Variants in DLG1 observed in about 807,000 individuals in gnomAD.
DLG1 encodes disks large homolog 1.
Under a neutral mutation model 123.4 loss-of-function variants are expected in DLG1, and 42 were observed. The observed-to-expected ratio is 0.34, with a 90% CI of 0.27 to 0.44. The LOEUF (loss-of-function observed/expected upper bound fraction) is 0.44. Among genes scored for constraint, DLG1 ranks in the 20% least tolerant of loss-of-function variants. The pLI is 1.00. For synonymous variants in DLG1, 317 were observed against 356.2 expected, an observed-to-expected ratio of 0.89 and a Z score of 1.24; for missense variants, 942 against 1,082.6, an observed-to-expected ratio of 0.87 and a Z score of 1.82.
At chr3:197,188,728 T>C (rs1001724794) in intron 5 of DLG1, among the ~76,000 whole-genome samples, 5 of 152,194 alleles carry the variant, frequency 3.3e-5, no homozygotes, top group Admixed American at 2.0e-4. Context: ...ATATTAGCTT[T>C]TATTTTAAAA....
chr3:197,212,695 T>C (rs968625259), intron 4 of DLG1, among the ~76,000 whole-genome samples: 4 of 152,224 alleles, frequency 2.6e-5, no homozygotes, highest in African/African-American at 9.6e-5. Flanking sequence ...CCCAATAATC[T>C]CATTTTAATT....
chr3:197,270,657 A>G (rs1579084294), intron 4 of DLG1, among the ~76,000 whole-genome samples: 1 of 152,220 alleles, frequency 6.6e-6, no homozygotes, highest in East Asian at 1.9e-4. Context: ...GTGCCAAAGT[A>G]CAACCCCATA....
intron 4 of DLG1, among the ~76,000 whole-genome samples, chr3:197,213,341 A>G (rs1249615198): frequency 2.0e-5 from 3 of 152,200 alleles, no homozygotes; most frequent in African/African-American, 7.2e-5. Flanking sequence ...CCATTTATAT[A>G]AAATGTTTGA....
At chr3:197,156,448 A>C (rs1274626583) in intron 5 of DLG1, among the ~76,000 whole-genome samples, 3 of 116,012 alleles carry the variant, frequency 2.6e-5, no homozygotes, top group African/African-American at 7.7e-5. Flanking sequence ...TGACAAAAGT[A>C]AGTCTTTCCT....
intron 10 of DLG1, among the ~76,000 whole-genome samples, chr3:197,134,592 C>G (rs1250282072): frequency 6.6e-6 from 1 of 151,422 alleles, no homozygotes; most frequent in Non-Finnish European, 1.5e-5. Context: ...TTTTCAGATT[C>G]TGCTAGGCCT....
intron 4 of DLG1, among the ~76,000 whole-genome samples, chr3:197,258,008 G>A (rs1757601780): frequency 6.6e-6 from 1 of 152,006 alleles, no homozygotes. Context: ...GACATTATGT[G>A]GAAAAGCACA....
At chr3:197,258,768 T>G (rs945670062) in intron 4 of DLG1, among the ~76,000 whole-genome samples, 5 of 152,244 alleles carry the variant, frequency 3.3e-5, no homozygotes, top group Admixed American at 6.5e-5. Flanking sequence ...TTGCTCTTCC[T>G]GCTAGAGCCA....
intron 4 of DLG1, among the ~76,000 whole-genome samples, chr3:197,255,049 T>C (rs1159164747): frequency 1.3e-5 from 2 of 151,954 alleles, no homozygotes; most frequent in Admixed American, 6.6e-5. Context: ...AGAGCGAGAT[T>C]CTGTCTCAAA....
In DLG1 at chr3:197,083,887, T is replaced by C. The variant is rs189070276; in HGVS notation, c.1838+1693A>G. ...CCAGCTACTAGCTGAGGTGGGGGGA[T>C]AGCTTGAGCCCAGGAGTCTGAGGTT... On this transcript the variant is annotated intron_variant, in intron 16 of 24. Transcript: ENST00000667157. Among the ~76,000 whole-genome samples the C allele has an allele frequency of 2.0e-4, 30 of 152,252 alleles. No individual in the cohort carries two copies. The East Asian group carries it at 5.6e-3, about 28-fold the overall frequency.
At chr3:197,175,873 C>T (rs912363213) in intron 5 of DLG1, among the ~76,000 whole-genome samples, 1 of 152,126 alleles carries the variant, frequency 6.6e-6, no homozygotes, top group African/African-American at 2.4e-5. Flanking sequence ...AAAAATGTTG[C>T]TCAGGCTGAC....
chr3:197,117,551 A>G (rs972368113), intron 12 of DLG1, among the ~76,000 whole-genome samples: 3 of 152,212 alleles, frequency 2.0e-5, no homozygotes, highest in Admixed American at 6.5e-5. Flanking sequence ...TCTTGACAAC[A>G]TAAGTGAAAT....
rs200274133 is a variant in DLG1 at position 197,194,622 on chromosome 3, T to G, written c.319-33A>C. The G allele has an allele frequency of 4.0e-6, 6 of 1,503,640 alleles. No individual in the cohort carries two copies. In the South Asian group the frequency reaches 7.7e-5, roughly 19 times the overall value. The allele number at this position is 1,503,640 out of a possible 1,614,324, so 93.1% of individuals were successfully genotyped here. ...GAAAATAAACATGAAGAAGCCCTGA[T>G]AAGCAACATGAGTTTAATTCAAATC... On this transcript the variant is annotated intron_variant, in intron 4 of 24. Coordinates refer to ENST00000667157, the MANE Select transcript of DLG1 (RefSeq NM_001366207.1).
chr3:197,219,378 C>T (rs1260301068), intron 4 of DLG1, among the ~76,000 whole-genome samples: 1 of 152,202 alleles, frequency 6.6e-6, no homozygotes, highest in Non-Finnish European at 1.5e-5. Context: ...GGCAATCTCC[C>T]TTGATGATAG....
At chr3:197,193,761 A>AG (rs1243751193) in intron 5 of DLG1, among the ~76,000 whole-genome samples, 1 of 152,126 alleles carries the variant, frequency 6.6e-6, no homozygotes, top group Non-Finnish European at 1.5e-5. Context: ...GTTACTTCTG[A>AG]GGGGAGAGAT....
chr3:197,226,456 A>G (rs945815001), intron 4 of DLG1: 2 of 152,194 alleles, frequency 1.3e-5, no homozygotes, highest in African/African-American at 4.8e-5. Flanking sequence ...GTTCAATAAG[A>G]GATGAGCCCA....
rs527755674 is a variant in DLG1 at position 197,274,410 on chromosome 3, C to T, written c.318+8269G>A. Among the ~76,000 whole-genome samples, 10 of 152,258 alleles carry T rather than the reference C, an allele frequency of 6.6e-5. No individual in the cohort carries two copies. In the South Asian group the frequency reaches 1.0e-3, roughly 16 times the overall value. ...TATCCATATGTAGAATGAATCTAGA[C>T]TCCCATTACTCACAATATGAAAACG... On this transcript the variant is annotated intron_variant, in intron 4 of 24. Coordinates refer to ENST00000667157, the MANE Select transcript of DLG1 (RefSeq NM_001366207.1).
intron 13 of DLG1, among the ~76,000 whole-genome samples, chr3:197,110,274 G>C (rs1001453830): frequency 3.3e-5 from 5 of 152,120 alleles, no homozygotes; most frequent in African/African-American, 1.2e-4. Context: ...CAAATCTGCT[G>C]TTGACCTTGT....
intron 4 of DLG1, among the ~76,000 whole-genome samples, chr3:197,201,338 C>G (rs946228066): frequency 6.6e-6 from 1 of 152,188 alleles, no homozygotes; most frequent in Non-Finnish European, 1.5e-5. Flanking sequence ...GAGCCAAGAT[C>G]GCGCCACTGC....
chr3:197,101,100 G>GT (rs530206520), intron 14 of DLG1, among the ~76,000 whole-genome samples: 24 of 151,682 alleles, frequency 1.6e-4, no homozygotes, highest in South Asian at 1.0e-3. Context: ...ATGTTAATCT[G>GT]TTTTTTTTGT....
Sources: allele counts gnomAD v4.1 joint callset (sites outside exome capture counted in the v4.1 genomes callset), GRCh38; gene constraint gnomAD v4.1.1; transcripts MANE v1.5; gene names NCBI Gene and HGNC (gene_info 2026-07-23, HGNC 2026-07-21).